Variants in PRIMA1 observed in about 807,000 individuals in gnomAD.
PRIMA1 encodes the protein proline rich membrane anchor 1.
PRIMA1 carries 7 observed loss-of-function variants against 17.5 expected under a neutral mutation model. That is an observed-to-expected ratio of 0.40 (90% CI 0.23 to 0.75). PRIMA1 has a LOEUF of 0.75. Ranked by LOEUF, PRIMA1 falls within the 30% of genes least tolerant of loss-of-function variation. The pLI is 0.37. For synonymous variants in PRIMA1, 97 were observed against 77.9 expected (o/e 1.25, Z -1.29); for missense variants, 200 against 201.8 (o/e 0.99, Z 0.05).
chr14:93,778,849 G>A (rs768417107), intron 3 of PRIMA1, among the ~76,000 whole-genome samples: 14 of 152,142 alleles, frequency 9.2e-5, no homozygotes, highest in Non-Finnish European at 1.8e-4. Flanking sequence ...TGTGTTGGGG[G>A]AGGGGGGCTA....
At chr14:93,738,369 A>C (rs1376972157) in intron 3 of PRIMA1, among the ~76,000 whole-genome samples, 1 of 152,152 alleles carries the variant, frequency 6.6e-6, no homozygotes, top group East Asian at 1.9e-4. Context: ...AGGAGTGCCC[A>C]GAATTGCAAA....
At chr14:93,784,920 A>G (rs765503040) in intron 2 of PRIMA1, among the ~76,000 whole-genome samples, 1 of 152,132 alleles carries the variant, frequency 6.6e-6, no homozygotes, top group African/African-American at 2.4e-5. Flanking sequence ...GCGCCCAATA[A>G]ATGCTGCCGA....
intron 4 of PRIMA1, among the ~76,000 whole-genome samples, chr14:93,727,682 T>C (rs1446183892): frequency 6.6e-6 from 1 of 152,076 alleles, no homozygotes; most frequent in Non-Finnish European, 1.5e-5. Flanking sequence ...TGAGGTCTGG[T>C]GGAGGTCCTA....
chr14:93,755,417 T>G (rs1044916300), intron 3 of PRIMA1, among the ~76,000 whole-genome samples: 20 of 152,170 alleles, frequency 1.3e-4, no homozygotes, highest in African/African-American at 4.6e-4. Context: ...GAGGCTGTTT[T>G]TCAGATGTAG....
Position 93,720,819 on chromosome 14 carries a change from C to T in PRIMA1, c.*625G>A, listed in dbSNP as rs1240951995. The T allele has an allele frequency of 6.6e-6, 1 of 152,444 alleles. No homozygotes were observed. The highest frequency in any genetic ancestry group is 1.5e-5 in the Non-Finnish European group (1 of 68,204). The allele number at this position is 152,444 out of a possible 1,614,324, so 9.4% of individuals were successfully genotyped here. A position where few individuals can be genotyped will look rare whatever the true frequency, so the allele number is the denominator to read the frequency against. On this transcript the variant is annotated 3_prime_UTR_variant, in exon 5 of 5. Transcript: ENST00000393140. Reference sequence around the variant, plus strand: ...TCTGCAGGCTGGACTCACAGCCCTCCATGGCAGGCAGTCAGGAGCCTAGGG... The same window carrying T: ...TCTGCAGGCTGGACTCACAGCCCTCTATGGCAGGCAGTCAGGAGCCTAGGG...
At chr14:93,722,002 T>C (rs2076041789) in intron 4 of PRIMA1, among the ~76,000 whole-genome samples, 1 of 152,046 alleles carries the variant, frequency 6.6e-6, no homozygotes, top group Admixed American at 6.5e-5. Context: ...ATGAAGCAGA[T>C]GGTGCTAGTG....
At chr14:93,723,451 G>A (rs1363540794) in intron 4 of PRIMA1, among the ~76,000 whole-genome samples, 2 of 152,160 alleles carry the variant, frequency 1.3e-5, no homozygotes, top group East Asian at 3.8e-4. Context: ...TCTGTGAGGG[G>A]ATCATTAGCA....
At chr14:93,771,624 T>A (rs1885073153) in intron 3 of PRIMA1, among the ~76,000 whole-genome samples, 1 of 152,140 alleles carries the variant, frequency 6.6e-6, no homozygotes, top group East Asian at 1.9e-4. Flanking sequence ...AGAAAATATG[T>A]TGGTGTTGTA....
intron 3 of PRIMA1, among the ~76,000 whole-genome samples, chr14:93,768,772 A>G (rs149592566): frequency 6.6e-6 from 1 of 152,180 alleles, no homozygotes; most frequent in African/African-American, 2.4e-5. Context: ...TGGGAGAGGA[A>G]AATTCAGTAC....
At chr14:93,776,984 G>C (rs1885237174) in intron 3 of PRIMA1, among the ~76,000 whole-genome samples, 1 of 152,144 alleles carries the variant, frequency 6.6e-6, no homozygotes, top group African/African-American at 2.4e-5. Context: ...TATGCAAGTG[G>C]AACTAGTTTC....
chr14:93,749,450 A>G (rs2076247179), intron 3 of PRIMA1, among the ~76,000 whole-genome samples: 1 of 152,212 alleles, frequency 6.6e-6, no homozygotes, highest in Non-Finnish European at 1.5e-5. Context: ...AATCTACTGG[A>G]AATTGGACAT....
intron 3 of PRIMA1, among the ~76,000 whole-genome samples, chr14:93,772,277 T>G (rs1885091999): frequency 6.6e-6 from 1 of 152,270 alleles, no homozygotes; most frequent in Non-Finnish European, 1.5e-5. Context: ...AGGAGTCACT[T>G]AACCTCCTTC....
At chr14:93,772,659 C>T (rs1024728095) in intron 3 of PRIMA1, among the ~76,000 whole-genome samples, 4 of 152,236 alleles carry the variant, frequency 2.6e-5, no homozygotes, top group South Asian at 2.1e-4. Context: ...ATACCTTCAC[C>T]AGGGACACTC....
intron 3 of PRIMA1, among the ~76,000 whole-genome samples, chr14:93,756,090 T>A (rs1171607829): frequency 1.3e-5 from 2 of 152,202 alleles, no homozygotes; most frequent in African/African-American, 2.4e-5. Context: ...GATTTTTTTT[T>A]AAGTCTGGGT....
At chr14:93,724,253 T>A (rs1215833168) in intron 4 of PRIMA1, among the ~76,000 whole-genome samples, 1 of 152,140 alleles carries the variant, frequency 6.6e-6, no homozygotes, top group Non-Finnish European at 1.5e-5. Flanking sequence ...CTCTTAGAGA[T>A]TCTGCAGAGT....
At chr14:93,756,859 CAGCAG>C (rs2076293828) in intron 3 of PRIMA1, among the ~76,000 whole-genome samples, 1 of 152,110 alleles carries the variant, frequency 6.6e-6, no homozygotes, top group Non-Finnish European at 1.5e-5. Flanking sequence ...CTGTTCAATC[CAGCAG>C]CAAGTCCCCT....
intron 2 of PRIMA1, among the ~76,000 whole-genome samples, chr14:93,780,861 C>A (rs1344210217): frequency 6.6e-6 from 1 of 152,206 alleles, no homozygotes; most frequent in African/African-American, 2.4e-5. Flanking sequence ...TGCCAGTCAC[C>A]CTCCACCTCC....
intron 3 of PRIMA1, among the ~76,000 whole-genome samples, chr14:93,769,810 T>C (rs1422300420): frequency 2.6e-5 from 4 of 152,192 alleles, no homozygotes; most frequent in Admixed American, 6.5e-5. Flanking sequence ...TAGTTAAACC[T>C]TGGATTCTTG....
intron 2 of PRIMA1, among the ~76,000 whole-genome samples, chr14:93,782,746 T>C (rs1288666434): frequency 6.6e-6 from 1 of 152,250 alleles, no homozygotes; most frequent in African/African-American, 2.4e-5. Context: ...TCCGTCCTTA[T>C]GCCTGACGGC....
Sources: gnomAD v4.1 joint callset for allele counts (sites outside exome capture counted in the v4.1 genomes callset) on GRCh38, gnomAD v4.1.1 for gene constraint, MANE v1.5 for transcripts, NCBI Gene and HGNC (gene_info 2026-07-23, HGNC 2026-07-21) for gene names.